The following MYPN variants were observed in gnomAD, a reference collection of about 807,000 sequenced individuals.
MYPN encodes the protein myopalladin.
A neutral mutation model predicts 129.4 loss-of-function variants in MYPN; 63 were observed. The observed-to-expected ratio is 0.49, with a 90% CI of 0.40 to 0.60. MYPN has a LOEUF of 0.60. MYPN is among the 20% of genes least tolerant of loss of function. The probability of loss-of-function intolerance (pLI) is 0.00; values close to 1 mark genes in which losing one functional copy is unlikely to be tolerated. For missense variants in MYPN, 1,596 were observed against 1,635.4 expected (o/e 0.98, Z 0.42); for synonymous variants, 629 against 600.9 (o/e 1.05, Z -0.68).
intron 1 of MYPN, among the ~76,000 whole-genome samples, chr10:68,117,815 G>A (rs1400017545): frequency 6.6e-6 from 1 of 151,052 alleles, no homozygotes; most frequent in Non-Finnish European, 1.5e-5. Flanking sequence ...TATAGTAATA[G>A]TAACTTCCAT....
At chr10:68,132,950 G>C (rs1227149845) in intron 2 of MYPN, among the ~76,000 whole-genome samples, 2 of 151,880 alleles carry the variant, frequency 1.3e-5, no homozygotes, top group African/African-American at 2.4e-5. Context: ...CTGAGCACAT[G>C]GGCCTATCTT....
intron 5 of MYPN, 29 bp from the exon 6 acceptor site, chr10:68,150,011 T>A (rs2042740503): frequency 6.3e-7 from 1 of 1,587,326 alleles, no homozygotes; most frequent in Non-Finnish European, 8.7e-7. Context: ...TTAGTAACAA[T>A]GAATTTACTG....
At chr10:68,107,341 C>CTTTT (rs1217100514), upstream of MYPN, among the ~76,000 whole-genome samples, 12 of 113,436 alleles carry the variant, frequency 1.1e-4, no homozygotes, top group African/African-American at 2.5e-4. Flanking sequence ...CTTCTCTTTT[C>CTTTT]TTTTTTTTTT....
At chr10:68,102,662 T>A (rs532317379), upstream of MYPN, among the ~76,000 whole-genome samples, 2 of 152,342 alleles carry the variant, frequency 1.3e-5, no homozygotes, top group South Asian at 4.1e-4. Context: ...CGAATGGCAG[T>A]CTGGGTCTTG....
In MYPN at chr10:68,174,500, G is replaced by A; in HGVS notation, c.2408G>A (p.Ser803Asn). Residue 803 changes from serine to asparagine, a missense_variant, in exon 11 of 20, where the codon AGC becomes AAC. Physicochemically the swap from Ser to Asn is conservative, Grantham distance 46 (BLOSUM62 1). Coordinates refer to ENST00000358913, the MANE Select transcript of MYPN (RefSeq NM_032578.4). ...CCACCATTCACATTTTCCATCCCCA[G>A]CGGAAACCAGTTTCAGCCCCGCTGT... ...TPPPFTFSIPSGNQFQPRCVS... is the reference protein window; with the variant it reads ...TPPPFTFSIPNGNQFQPRCVS... 1 of 1,613,884 alleles carries A rather than the reference G, an allele frequency of 6.2e-7. No homozygotes were observed. The highest frequency in any genetic ancestry group is 8.5e-7 in the Non-Finnish European group (1 of 1,179,928).
upstream of MYPN, among the ~76,000 whole-genome samples, chr10:68,105,142 C>T (rs993808126): frequency 6.6e-6 from 1 of 152,126 alleles, no homozygotes; most frequent in Non-Finnish European, 1.5e-5. Flanking sequence ...GAAATATAAT[C>T]ATTTGAATAT....
intron 12 of MYPN, among the ~76,000 whole-genome samples, chr10:68,186,246 G>T (rs547358197): frequency 2.0e-5 from 3 of 152,048 alleles, no homozygotes; most frequent in Non-Finnish European, 4.4e-5. Flanking sequence ...AGTTTGAGAC[G>T]AGGCAGAGAG....
intron 10 of MYPN, 131 bp downstream of exon 10, chr10:68,166,797 G>A: frequency 7.8e-7 from 1 of 1,284,660 alleles, no homozygotes; most frequent in Non-Finnish European, 1.1e-6. Flanking sequence ...GGGAGGCTGA[G>A]GCAGGAGGAT....
At chr10:68,165,065 ATTT>A (rs558859050) in intron 8 of MYPN, among the ~76,000 whole-genome samples, 104 of 152,256 alleles carry the variant, frequency 6.8e-4, no homozygotes, top group African/African-American at 2.3e-3. Context: ...TGTTTTTGTG[ATTT>A]TTTAAGTTTA....
chr10:68,199,599 TAAACACA>T (rs769044325), intron 17 of MYPN, 24 bp downstream of exon 17: 12 of 1,607,386 alleles, frequency 7.5e-6, no homozygotes, highest in Non-Finnish European at 1.0e-5. Context: ...CTGGGACCCC[TAAACACA>T]ACTTCCTCCA....
chr10:68,177,980 T>C (rs1341609364), intron 12 of MYPN, among the ~76,000 whole-genome samples: 1 of 152,152 alleles, frequency 6.6e-6, no homozygotes, highest in East Asian at 1.9e-4. Flanking sequence ...AAATCAGAAG[T>C]CCTTGAACAA....
intron 10 of MYPN, among the ~76,000 whole-genome samples, chr10:68,170,146 A>G (rs1409657930): frequency 1.3e-5 from 2 of 152,200 alleles, no homozygotes; most frequent in Non-Finnish European, 2.9e-5. Flanking sequence ...CAGATGGGAC[A>G]CTAGTTGCAA....
chr10:68,098,000 CTT>C (rs1439064394), intron 1 of MYPN, among the ~76,000 whole-genome samples: 1 of 152,166 alleles, frequency 6.6e-6, no homozygotes, highest in East Asian at 1.9e-4. Flanking sequence ...AATCCTAGCA[CTT>C]TGGGAGGCCA....
intron 19 of MYPN, among the ~76,000 whole-genome samples, chr10:68,207,416 CCTT>C (rs1261518145): frequency 3.3e-5 from 5 of 152,180 alleles, no homozygotes; most frequent in African/African-American, 1.2e-4. Context: ...ATGAGCTTCA[CCTT>C]CTTCCAGAAC....
chr10:68,189,742 C>T (rs912550901), intron 13 of MYPN, among the ~76,000 whole-genome samples: 2 of 152,144 alleles, frequency 1.3e-5, no homozygotes, highest in African/African-American at 4.8e-5. Flanking sequence ...TGTATAGATA[C>T]CCCATTTTCT....
intron 7 of MYPN, among the ~76,000 whole-genome samples, chr10:68,160,101 T>C (rs1339334232): frequency 8.6e-5 from 13 of 152,008 alleles, no homozygotes; most frequent in Admixed American, 7.9e-4. Context: ...AATAATATAT[T>C]CTGAATGCCA....
chr10:68,176,457 G>A lies in MYPN; in HGVS notation c.2703+996G>A, dbSNP rs1051560072. Among the ~76,000 whole-genome samples the A allele has an allele frequency of 3.3e-5, 5 of 152,186 alleles. No homozygotes were observed. In the East Asian group the frequency reaches 7.7e-4, roughly 23 times the overall value. On this transcript the variant is annotated intron_variant, in intron 12 of 19. Transcript: ENST00000358913. ...GTATGCCAAATATTGTGGAATTTGT[G>A]GACTCCTAGAAACAAAGCTCTCGAC...
At chr10:68,139,050 T>C (rs1332642034) in intron 2 of MYPN, among the ~76,000 whole-genome samples, 2 of 152,174 alleles carry the variant, frequency 1.3e-5, no homozygotes, top group Non-Finnish European at 2.9e-5. Context: ...CCCATGTTTT[T>C]CCCTAGAGAA....
In MYPN at chr10:68,166,342, C is replaced by T. The variant is rs761571128; in HGVS notation, c.1649C>T (p.Thr550Ile). The T allele has an allele frequency of 6.8e-6, 11 of 1,613,954 alleles. No individual in the cohort carries two copies. The Admixed American group carries it at 1.5e-4, about 22-fold the overall frequency. ...NNGSLHSANSTTNLAAIEPQP... is the reference protein window; with the variant it reads ...NNGSLHSANSITNLAAIEPQP... The stretch of plus-strand genomic sequence containing the variant: ...GGGTCTCTTCACTCAGCCAACTCTA[C>T]CACCAACCTGGCAGCTATTGAGCCA... The change falls in exon 10 of 20, where the codon ACC becomes ATC. Residue 550 changes from threonine to isoleucine, a missense_variant. Physicochemically the swap from Thr to Ile is moderately conservative, Grantham distance 89. Transcript: ENST00000358913.
Sources: allele counts gnomAD v4.1 joint callset (sites outside exome capture counted in the v4.1 genomes callset), GRCh38; gene constraint gnomAD v4.1.1; transcripts MANE v1.5; gene names NCBI Gene and HGNC (gene_info 2026-07-23, HGNC 2026-07-21).